Variants in RBFOX1 observed in about 807,000 individuals in gnomAD.
The protein encoded by RBFOX1 is RNA binding protein fox-1 homolog 1.
RBFOX1 carries 8 observed loss-of-function variants against 57.7 expected under a neutral mutation model. That is an observed-to-expected ratio of 0.14 (90% CI 0.08 to 0.25). The LOEUF is 0.25. RBFOX1 is among the 10% of genes least tolerant of loss of function. RBFOX1 has a pLI of 1.00. For missense variants in RBFOX1, 611 were observed against 548.5 expected, an observed-to-expected ratio of 1.11 and a Z score of -1.14; for synonymous variants, 326 against 222.4, an observed-to-expected ratio of 1.47 and a Z score of -4.15.
At chr16:7,193,250 A>G (rs12325184) in intron 4 of RBFOX1, among the ~76,000 whole-genome samples, 28,892 of 152,104 alleles carry the variant, frequency 0.19, 2,982 homozygotes, top group East Asian at 0.38. Context: ...AACTCAACAC[A>G]TTATTGCTGT....
intron 3 of RBFOX1, among the ~76,000 whole-genome samples, chr16:5,652,296 T>C (rs1244305421): frequency 6.6e-6 from 1 of 152,198 alleles, no homozygotes; most frequent in African/African-American, 2.4e-5. Context: ...CATCAAACCA[T>C]GTTACAGATG....
At chr16:7,287,857 C>T (rs898550397) in intron 4 of RBFOX1, among the ~76,000 whole-genome samples, 2 of 152,152 alleles carry the variant, frequency 1.3e-5, no homozygotes, top group Non-Finnish European at 2.9e-5. Context: ...TACCTTCCCC[C>T]ACCCATTTCG....
chr16:7,001,406 G>GCATATC (rs2092787861), intron 3 of RBFOX1, among the ~76,000 whole-genome samples: 1 of 121,550 alleles, frequency 8.2e-6, no homozygotes. Flanking sequence ...ATTTGTATAT[G>GCATATC]TATATGTATA....
In RBFOX1 at chr16:7,092,191, G is replaced by A. The variant is rs536774510; in HGVS notation, c.27+40093G>A. Reference sequence around the variant, plus strand: ...ATAGCATTGATTACAAAGTTACAAGGTATACCACTGTTTTATTAGTAGGGT... The same window carrying A: ...ATAGCATTGATTACAAAGTTACAAGATATACCACTGTTTTATTAGTAGGGT... On this transcript the variant is annotated intron_variant, in intron 4 of 15. Transcript: ENST00000550418. Among the ~76,000 whole-genome samples the A allele has an allele frequency of 9.2e-5, 14 of 152,236 alleles. No homozygotes were observed. In the South Asian group the frequency reaches 2.7e-3, roughly 29 times the overall value.
intron 3 of RBFOX1, among the ~76,000 whole-genome samples, chr16:6,838,240 C>T (rs1320593003): frequency 6.6e-6 from 1 of 151,956 alleles, no homozygotes; most frequent in Non-Finnish European, 1.5e-5. Context: ...CATGTGTTAT[C>T]ATTGTTCATC....
intron 2 of RBFOX1, among the ~76,000 whole-genome samples, chr16:5,526,725 T>A (rs1233144583): frequency 2.6e-5 from 4 of 152,070 alleles, no homozygotes; most frequent in Non-Finnish European, 4.4e-5. Flanking sequence ...TGTGCCCCTC[T>A]CCCCCAGCCT....
intron 4 of RBFOX1, among the ~76,000 whole-genome samples, chr16:7,127,057 TTGG>T (rs1250795362): frequency 6.6e-6 from 1 of 151,736 alleles, no homozygotes; most frequent in Non-Finnish European, 1.5e-5. Context: ...GAAAATCTGG[TTGG>T]TCCTTCCTAG....
At chr16:6,967,885 G>T (rs1248449824) in intron 3 of RBFOX1, among the ~76,000 whole-genome samples, 2 of 152,132 alleles carry the variant, frequency 1.3e-5, no homozygotes, top group African/African-American at 4.8e-5. Flanking sequence ...TCTGAAAAAA[G>T]ATGCCCCAAA....
chr16:6,876,037 G>T (rs2061781430), intron 3 of RBFOX1, among the ~76,000 whole-genome samples: 1 of 151,706 alleles, frequency 6.6e-6, no homozygotes, highest in African/African-American at 2.4e-5. Context: ...AGCAGGCATA[G>T]TAACACACGT....
intron 4 of RBFOX1, among the ~76,000 whole-genome samples, chr16:7,236,549 G>C (rs935266692): frequency 2.6e-5 from 4 of 152,102 alleles, no homozygotes; most frequent in Admixed American, 1.3e-4. Flanking sequence ...ATCTGTTTTG[G>C]TAATTACTGT....
At chr16:6,532,802 C>A (rs1178792449) in intron 2 of RBFOX1, among the ~76,000 whole-genome samples, 1 of 152,148 alleles carries the variant, frequency 6.6e-6, no homozygotes, top group African/African-American at 2.4e-5. Context: ...TCTCTCTGTG[C>A]TCCTAGCATG....
chr16:5,684,077 A>T (rs557420927), intron 3 of RBFOX1, among the ~76,000 whole-genome samples: 1 of 152,116 alleles, frequency 6.6e-6, no homozygotes, highest in Non-Finnish European at 1.5e-5. Context: ...ATTGAACTTT[A>T]TAGGTTTTCT....
chr16:5,918,844 A>C (rs2058760884), intron 4 of RBFOX1, among the ~76,000 whole-genome samples: 1 of 152,204 alleles, frequency 6.6e-6, no homozygotes, highest in African/African-American at 2.4e-5. Flanking sequence ...AGTAAGAAGC[A>C]ACACTTGACT....
chr16:6,096,390 G>T (rs183981026), intron 1 of RBFOX1, among the ~76,000 whole-genome samples: 1 of 152,272 alleles, frequency 6.6e-6, no homozygotes, highest in South Asian at 2.1e-4. Flanking sequence ...GTTTGCTCTC[G>T]ACATTTATTT....
intron 4 of RBFOX1, among the ~76,000 whole-genome samples, chr16:7,508,905 G>T (rs1372075846): frequency 6.6e-6 from 1 of 152,208 alleles, no homozygotes; most frequent in Non-Finnish European, 1.5e-5. Flanking sequence ...GCAGCTATCT[G>T]TAGGAACGGT....
intron 1 of RBFOX1, among the ~76,000 whole-genome samples, chr16:6,190,805 A>C (rs755476671): frequency 1.3e-5 from 2 of 152,154 alleles, no homozygotes; most frequent in Admixed American, 6.5e-5. Context: ...TCTTGCTGGC[A>C]AAGAATTCTA....
At chr16:6,553,314 G>C (rs1377448757) in intron 2 of RBFOX1, among the ~76,000 whole-genome samples, 1 of 152,242 alleles carries the variant, frequency 6.6e-6, no homozygotes, top group Non-Finnish European at 1.5e-5. Context: ...TTGAAATAAA[G>C]ATCGTGAAGT....
chr16:6,065,082 T>C (rs1272428985), intron 1 of RBFOX1, among the ~76,000 whole-genome samples: 1 of 151,710 alleles, frequency 6.6e-6, no homozygotes, highest in Non-Finnish European at 1.5e-5. Context: ...GGCTAGAGTA[T>C]AATGGTGTGA....
chr16:6,707,329 C>T (rs2062925858), intron 3 of RBFOX1, among the ~76,000 whole-genome samples: 1 of 152,158 alleles, frequency 6.6e-6, no homozygotes, highest in African/African-American at 2.4e-5. Flanking sequence ...CTCTAGGTAA[C>T]ACACAATGAA....
Sources: allele counts gnomAD v4.1 joint callset (sites outside exome capture counted in the v4.1 genomes callset), GRCh38; gene constraint gnomAD v4.1.1; transcripts MANE v1.5; gene names NCBI Gene and HGNC (gene_info 2026-07-23, HGNC 2026-07-21).